CDH9: variants seen among roughly 807,000 people sequenced by gnomAD.
CDH9 encodes cadherin-9.
Under a neutral mutation model 70.9 loss-of-function variants are expected in CDH9, and 28 were observed. That is an observed-to-expected ratio of 0.40 (90% confidence interval 0.29 to 0.54). CDH9 has a LOEUF of 0.54. Ranked by LOEUF, CDH9 falls within the 20% of genes least tolerant of loss-of-function variation. The probability of loss-of-function intolerance (pLI) is 0.59; values close to 1 mark genes in which losing one functional copy is unlikely to be tolerated. For synonymous variants in CDH9, 409 were observed against 343.1 expected (o/e 1.19, Z -2.12); for missense variants, 874 against 984.4 (o/e 0.89, Z 1.50).
intron 7 of CDH9, among the ~76,000 whole-genome samples, chr5:26,902,240 C>T (rs898272356): frequency 2.6e-5 from 4 of 151,758 alleles, no homozygotes; most frequent in African/African-American, 9.7e-5. Flanking sequence ...TACCTTGTAC[C>T]CAGAGCATTT....
At chr5:26,891,684 A>G (rs1454860158) in intron 7 of CDH9, among the ~76,000 whole-genome samples, 1 of 151,636 alleles carries the variant, frequency 6.6e-6, no homozygotes, top group African/African-American at 2.4e-5. Context: ...TCTCAAAAAC[A>G]AACAAACAAA....
chr5:26,887,721 A>C (rs1313557102), intron 9 of CDH9, among the ~76,000 whole-genome samples: 4 of 152,146 alleles, frequency 2.6e-5, no homozygotes, highest in Non-Finnish European at 5.9e-5. Context: ...GATCATTCTA[A>C]ATTAAGGAGG....
At chr5:26,990,263 A>T (rs1439369312) in intron 1 of CDH9, among the ~76,000 whole-genome samples, 2 of 152,150 alleles carry the variant, frequency 1.3e-5, no homozygotes, top group African/African-American at 4.8e-5. Flanking sequence ...GGTATTATAG[A>T]TTCTTGCTAT....
intron 2 of CDH9, among the ~76,000 whole-genome samples, chr5:26,941,869 G>A (rs964098048): frequency 1.3e-5 from 2 of 152,138 alleles, no homozygotes; most frequent in African/African-American, 4.8e-5. Context: ...GAAGTCCAAG[G>A]TGCAGAGGGC....
intron 2 of CDH9, among the ~76,000 whole-genome samples, chr5:26,965,340 C>T (rs1029141771): frequency 9.2e-5 from 14 of 152,034 alleles, no homozygotes; most frequent in African/African-American, 3.4e-4. Flanking sequence ...CTTTGGGAGG[C>T]TGAGGTGGGC....
chr5:26,901,090 A>G (rs1740847140), intron 7 of CDH9, among the ~76,000 whole-genome samples: 1 of 151,948 alleles, frequency 6.6e-6, no homozygotes. Context: ...TTAATTTTTC[A>G]TTTTATTTCA....
At position 26,978,831 on chromosome 5, in the gene CDH9, A is replaced by C. The variant is rs185592447; in HGVS notation, c.228+9275T>G. Among the ~76,000 whole-genome samples the C allele has an allele frequency of 2.6e-5, 4 of 152,054 alleles. No homozygotes were observed. In the East Asian group the frequency reaches 7.7e-4, roughly 29 times the overall value. On this transcript the variant is annotated intron_variant, in intron 2 of 11. Coordinates refer to ENST00000231021, the MANE Select transcript of CDH9 (RefSeq NM_016279.4). ...TTAAAAGTAATATAATTCACAATAC[A>C]ATGTAACAACAATTTTAAGTGCTAA...
At chr5:26,949,092 A>G (rs1741801523) in intron 2 of CDH9, among the ~76,000 whole-genome samples, 1 of 152,176 alleles carries the variant, frequency 6.6e-6, no homozygotes, top group African/African-American at 2.4e-5. Flanking sequence ...TCATATTTCT[A>G]GGCTTAGGGT....
intron 3 of CDH9, among the ~76,000 whole-genome samples, chr5:26,912,673 A>G: frequency 6.6e-6 from 1 of 152,130 alleles, no homozygotes. Flanking sequence ...AATAAATTAA[A>G]AGATTTCCAG....
intron 1 of CDH9, among the ~76,000 whole-genome samples, chr5:27,025,880 T>C (rs1743212651): frequency 6.6e-6 from 1 of 152,088 alleles, no homozygotes; most frequent in East Asian, 1.9e-4. Context: ...TGTATTATTA[T>C]AAATAAAGAT....
intron 7 of CDH9, among the ~76,000 whole-genome samples, chr5:26,900,865 TATG>T: frequency 2.0e-5 from 3 of 152,202 alleles, no homozygotes; most frequent in East Asian, 1.9e-4. Flanking sequence ...TAGCTACTGG[TATG>T]ACCAACCCCT....
At chr5:27,028,966 G>T (rs1002596646) in intron 1 of CDH9, among the ~76,000 whole-genome samples, 1 of 151,812 alleles carries the variant, frequency 6.6e-6, no homozygotes, top group Non-Finnish European at 1.5e-5. Context: ...ACAACTAAAA[G>T]ATTACTTAAA....
At chr5:26,988,020 T>C in intron 2 of CDH9, 86 bp downstream of exon 2, 1 of 855,522 alleles carries the variant, frequency 1.2e-6, no homozygotes, top group Middle Eastern at 3.5e-4. Flanking sequence ...TATTTTTTAA[T>C]AATCACTAGT....
At chr5:26,970,393 G>A (rs2115307) in intron 2 of CDH9, among the ~76,000 whole-genome samples, 1 of 151,734 alleles carries the variant, frequency 6.6e-6, no homozygotes, top group Admixed American at 6.6e-5. Context: ...AATCCTATTA[G>A]GTTTATCTAT....
chr5:26,949,798 C>T (rs893651637), intron 2 of CDH9, among the ~76,000 whole-genome samples: 1 of 152,104 alleles, frequency 6.6e-6, no homozygotes, highest in Non-Finnish European at 1.5e-5. Context: ...TTGTAGGAGA[C>T]TTCCCATGGC....
chr5:27,019,662 T>G (rs1258954942), intron 1 of CDH9, among the ~76,000 whole-genome samples: 1 of 151,918 alleles, frequency 6.6e-6, no homozygotes. Flanking sequence ...AGTACAAAGA[T>G]AGTATTCAGC....
At chr5:27,026,829 G>A (rs1312623113) in intron 1 of CDH9, among the ~76,000 whole-genome samples, 1 of 151,854 alleles carries the variant, frequency 6.6e-6, no homozygotes, top group Non-Finnish European at 1.5e-5. Context: ...ATTAATTTTG[G>A]TGAATGTTAC....
At chr5:26,981,386 C>G (rs1241503095) in intron 2 of CDH9, among the ~76,000 whole-genome samples, 2 of 152,024 alleles carry the variant, frequency 1.3e-5, no homozygotes, top group Non-Finnish European at 2.9e-5. Flanking sequence ...GCAATGTAAA[C>G]AATTGTTATA....
intron 1 of CDH9, among the ~76,000 whole-genome samples, chr5:27,038,041 T>C (rs541755358): frequency 2.6e-5 from 4 of 152,090 alleles, no homozygotes; most frequent in Non-Finnish European, 5.9e-5. Context: ...ACTCAAGTGA[T>C]TTAAACAAAA....
Sources: allele counts gnomAD v4.1 joint callset (sites outside exome capture counted in the v4.1 genomes callset), GRCh38; gene constraint gnomAD v4.1.1; transcripts MANE v1.5; gene names NCBI Gene and HGNC (gene_info 2026-07-23, HGNC 2026-07-21).